Variants in TNR observed in about 807,000 individuals in gnomAD.
TNR encodes tenascin-R.
A neutral mutation model predicts 150.4 loss-of-function variants in TNR; 45 were observed. The observed-to-expected ratio is 0.30, with a 90% confidence interval of 0.24 to 0.38. The LOEUF (loss-of-function observed/expected upper bound fraction) is 0.38. Among genes scored for constraint, TNR ranks in the 10% least tolerant of loss-of-function variants. The pLI is 1.00. For synonymous variants in TNR, 687 were observed against 678.4 expected (o/e 1.01, Z -0.20); for missense variants, 1,544 against 1,759.1 (o/e 0.88, Z 2.19).
chr1:175,548,355 C>A (rs1365819566), intron 1 of TNR, among the ~76,000 whole-genome samples: 2 of 151,914 alleles, frequency 1.3e-5, no homozygotes, highest in African/African-American at 2.4e-5. Flanking sequence ...TAAGACATGC[C>A]CTGCTGCTAC....
At chr1:175,340,099 A>G (rs1650448200) in intron 18 of TNR, among the ~76,000 whole-genome samples, 1 of 152,200 alleles carries the variant, frequency 6.6e-6, no homozygotes, top group African/African-American at 2.4e-5. Context: ...AATTATCTTA[A>G]GAAAAAAGTG....
intron 2 of TNR, among the ~76,000 whole-genome samples, chr1:175,452,337 A>G (rs557385123): frequency 6.6e-6 from 1 of 152,392 alleles, no homozygotes; most frequent in Non-Finnish European, 1.5e-5. Flanking sequence ...ACACAAGAGT[A>G]ATGTGATAGG....
chr1:175,499,109 C>T (rs531511739), intron 2 of TNR, among the ~76,000 whole-genome samples: 3 of 152,180 alleles, frequency 2.0e-5, no homozygotes, highest in Admixed American at 6.5e-5. Flanking sequence ...TGTGGGATCT[C>T]GCCAATCACG....
chr1:175,711,209 G>T (rs901897645), intron 1 of TNR, among the ~76,000 whole-genome samples: 6 of 152,162 alleles, frequency 3.9e-5, no homozygotes, highest in Non-Finnish European at 8.8e-5. Context: ...GTAGGAGACT[G>T]GGAGTGCTGG....
At chr1:175,697,439 T>C (rs1177087725) in intron 1 of TNR, among the ~76,000 whole-genome samples, 1 of 152,014 alleles carries the variant, frequency 6.6e-6, no homozygotes, top group African/African-American at 2.4e-5. Flanking sequence ...GCAATGTCAC[T>C]GTTCTGAATA....
intron 2 of TNR, among the ~76,000 whole-genome samples, chr1:175,466,156 G>A (rs1224785520): frequency 6.6e-6 from 1 of 152,112 alleles, no homozygotes; most frequent in African/African-American, 2.4e-5. Context: ...AAACAATCCT[G>A]TGAATTAAAT....
chr1:175,661,783 C>A (rs933034208), intron 1 of TNR, among the ~76,000 whole-genome samples: 1 of 98,872 alleles, frequency 1.0e-5, no homozygotes, highest in African/African-American at 3.2e-5. Flanking sequence ...TGCTCATCCT[C>A]TTTCCCTCCC....
chr1:175,425,075 G>T (rs2102065176), intron 2 of TNR, among the ~76,000 whole-genome samples: 1 of 152,228 alleles, frequency 6.6e-6, no homozygotes, highest in Non-Finnish European at 1.5e-5. Flanking sequence ...TCAGATTTGT[G>T]GATGCTATTT....
In TNR at chr1:175,406,203, T is replaced by G. The variant is rs757448073; in HGVS notation, c.499+13A>C. ...CCCCTCCTGAGACCACGCTGCGAGCTCCCGGACTCTACCTGTGGCAGCACT... is the reference window on the plus strand; with the variant it reads ...CCCCTCCTGAGACCACGCTGCGAGCGCCCGGACTCTACCTGTGGCAGCACT... On this transcript the variant is annotated intron_variant, in intron 3 of 22. Transcript: ENST00000367674. 4 of 1,610,866 alleles carry G rather than the reference T, an allele frequency of 2.5e-6. No homozygotes were observed. The Admixed American group carries it at 6.7e-5, about 27-fold the overall frequency.
chr1:175,431,911 A>ATCTCTCTCTCTCTCTCTCCT (rs1553221256), intron 2 of TNR, among the ~76,000 whole-genome samples: 1 of 136,374 alleles, frequency 7.3e-6, no homozygotes, highest in Admixed American at 7.1e-5. Context: ...GGACCATAAT[A>ATCTCTCTCTCTCTCTCTCCT]TCTCTCTCTC....
intron 1 of TNR, among the ~76,000 whole-genome samples, chr1:175,651,132 A>C (rs1664976688): frequency 2.5e-5 from 2 of 80,360 alleles, no homozygotes; most frequent in Admixed American, 1.6e-4. Context: ...CTCCTCCCTT[A>C]CTTCATTACT....
Position 175,386,182 on chromosome 1 carries a change from C to G in TNR, c.1627G>C (p.Gly543Arg), listed in dbSNP as rs770789223. 1 of 1,612,592 alleles carries G rather than the reference C, an allele frequency of 6.2e-7. No individual in the cohort carries two copies. Among genetic ancestry groups the G allele is most frequent in the Non-Finnish European group, 8.5e-7 (1 of 1,178,862 alleles). Residue 543 changes from glycine (G) to arginine (R), a missense_variant, in exon 8 of 23, where the codon GGG becomes CGG. This residue lies in a region of TNR where 1,254 missense variants were observed against 1,329.4 expected (regional missense o/e 0.94). Transcript: ENST00000367674. ...FILLKYGLVGGEGGRTTFRLQ... is the reference protein window; with the variant it reads ...FILLKYGLVGREGGRTTFRLQ... Reference sequence around the variant, plus strand: ...CGGAAGGTGGTCCTCCCACCTTCCCCGCCCACCAGGCCATATTTCAAAAGA... The same window carrying G: ...CGGAAGGTGGTCCTCCCACCTTCCCGGCCCACCAGGCCATATTTCAAAAGA...
chr1:175,730,440 T>C (rs574677150), intron 1 of TNR, among the ~76,000 whole-genome samples: 3 of 152,298 alleles, frequency 2.0e-5, no homozygotes, highest in East Asian at 3.9e-4. Flanking sequence ...TCCAACCAGA[T>C]TGGGAGATCC....
In TNR at chr1:175,467,262, T is replaced by C. The variant is rs190111631; in HGVS notation, c.-63-60485A>G. On this transcript the variant is annotated intron_variant, in intron 2 of 22. Transcript: ENST00000367674. ...AGTGTGGATCAAGGCAGCTTCTCGC[T>C]CTGCCCACCGTCCACCTCTCCCACC... is the stretch of plus-strand genomic sequence containing the variant. 3.1e-4 allele frequency among the ~76,000 whole-genome samples: 47 copies of C among 152,138 alleles called. No individual in the cohort carries two copies. In the East Asian group the frequency reaches 8.1e-3, roughly 26 times the overall value.
rs181256670 is a variant in TNR, at chr1:175,662,971, T to C, written c.-165+80255A>G. Among the ~76,000 whole-genome samples, 6 of 152,356 alleles carry C rather than the reference T, an allele frequency of 3.9e-5. No homozygotes were observed. The East Asian group carries it at 5.8e-4, about 15-fold the overall frequency. On this transcript the variant is annotated intron_variant, in intron 1 of 22. Coordinates refer to ENST00000367674, the MANE Select transcript of TNR (RefSeq NM_003285.3). Reference sequence around the variant, plus strand: ...AGAAATATCTCTAAATATTTTTCTGTGAAATGGGTTTAATGTCTACCTCAC... The same window carrying C: ...AGAAATATCTCTAAATATTTTTCTGCGAAATGGGTTTAATGTCTACCTCAC...
intron 7 of TNR, among the ~76,000 whole-genome samples, chr1:175,386,657 G>A (rs1415303450): frequency 6.6e-6 from 1 of 151,650 alleles, no homozygotes; most frequent in African/African-American, 2.4e-5. Flanking sequence ...GGTTTCTGGC[G>A]TGTGTCTGCC....
At chr1:175,336,962 G>A (rs1244309897) in intron 19 of TNR, among the ~76,000 whole-genome samples, 3 of 152,134 alleles carry the variant, frequency 2.0e-5, no homozygotes, top group Admixed American at 6.5e-5. Flanking sequence ...GCATGGTCTC[G>A]TCTCACTACA....
intron 1 of TNR, among the ~76,000 whole-genome samples, chr1:175,628,783 G>A (rs906005662): frequency 1.3e-5 from 2 of 152,122 alleles, no homozygotes; most frequent in East Asian, 1.9e-4. Context: ...GAGGGAGATG[G>A]AAAGAGAAGC....
chr1:175,513,812 C>T (rs1006338419), intron 2 of TNR, among the ~76,000 whole-genome samples: 6 of 152,192 alleles, frequency 3.9e-5, no homozygotes, highest in African/African-American at 1.4e-4. Context: ...GCTCAGGGAA[C>T]CTCTGGAGAG....
Sources: gnomAD v4.1 joint callset for allele counts (sites outside exome capture counted in the v4.1 genomes callset) on GRCh38, gnomAD v4.1.1 for gene constraint, gnomAD v4.1.1 regional missense constraint, MANE v1.5 for transcripts, NCBI Gene and HGNC (gene_info 2026-07-23, HGNC 2026-07-21) for gene names.